The following EFHC1 variants were observed in gnomAD, a reference collection of about 807,000 sequenced individuals.
EFHC1 encodes EF-hand domain-containing protein 1.
In EFHC1, 53 loss-of-function variants were observed where a neutral mutation model predicts 69.9. The observed-to-expected ratio is 0.76, with a 90% CI of 0.61 to 0.95. EFHC1 has a LOEUF of 0.95. Among genes scored for constraint, EFHC1 ranks in the 40% least tolerant of loss-of-function variants. The pLI is 0.00. For missense variants in EFHC1, 739 were observed against 798.7 expected (o/e 0.93, Z 0.90); for synonymous variants, 256 against 278.4 (o/e 0.92, Z 0.80).
At chr6:52,479,858 G>GT in intron 9 of EFHC1, 71 bp downstream of exon 9, 1 of 1,593,036 alleles carries the variant, frequency 6.3e-7, no homozygotes, top group Non-Finnish European at 8.5e-7. Context: ...AAACAAATGA[G>GT]TAATCACATT....
chr6:52,469,219 A>C, intron 6 of EFHC1, 114 bp from the exon 7 acceptor site: 1 of 1,351,712 alleles, frequency 7.4e-7, no homozygotes, highest in Non-Finnish European at 1.0e-6. Flanking sequence ...TTATGTAGAA[A>C]ATATATTTGC....
chr6:52,453,968 C>A, intron 4 of EFHC1, 127 bp from the exon 5 acceptor site: 4 of 1,552,058 alleles, frequency 2.6e-6, no homozygotes, highest in Non-Finnish European at 3.5e-6. Flanking sequence ...TTTCAATTTA[C>A]CCCATCTGAA....
At chr6:52,469,563 C>T in intron 7 of EFHC1, 90 bp downstream of exon 7, 1 of 1,569,610 alleles carries the variant, frequency 6.4e-7, no homozygotes. Context: ...AGATTAACAG[C>T]TGTCAGAGTT....
rs1359654256 is a variant in EFHC1 at position 52,452,816 on chromosome 6, A to G, written c.702A>G (p.Gln234=). The G allele has an allele frequency of 3.1e-6, 5 of 1,614,032 alleles. No homozygotes were observed. The African/African-American group carries it at 6.7e-5, about 22-fold the overall frequency. ...CATCAGACTTTGATCAACTCAAGCA[A>G]TTTCTCACCTTTGACAAACAGGTAA... ...VTPSDFDQLK[Q]FLTFDKQVLR... is the part of the protein sequence containing the mutation. The change falls in exon 4 of 11, where the codon CAA becomes CAG. Residue 234 remains glutamine, a synonymous_variant. Transcript: ENST00000371068.
At chr6:52,425,373 A>G (rs1415360659) in intron 2 of EFHC1, among the ~76,000 whole-genome samples, 2 of 152,212 alleles carry the variant, frequency 1.3e-5, no homozygotes, top group Non-Finnish European at 2.9e-5. Context: ...TTACCAAGAT[A>G]TGAATCCTGG....
chr6:52,492,170 T>G (rs1159160907), intron 10 of EFHC1, 100 bp from the exon 11 acceptor site: 1 of 1,080,036 alleles, frequency 9.3e-7, no homozygotes, highest in Non-Finnish European at 1.4e-6. Flanking sequence ...CTGAACTGAT[T>G]TACAAAGGCT....
At chr6:52,472,928 C>T (rs1765469878) in intron 7 of EFHC1, among the ~76,000 whole-genome samples, 1 of 152,078 alleles carries the variant, frequency 6.6e-6, no homozygotes, top group African/African-American at 2.4e-5. Flanking sequence ...AAGGGATATA[C>T]CATGTTCATT....
At chr6:52,452,602 C>T in intron 3 of EFHC1, 86 bp from the exon 4 acceptor site, 1 of 1,503,140 alleles carries the variant, frequency 6.7e-7, no homozygotes, top group Non-Finnish European at 9.2e-7. Context: ...GTGCCTGGCC[C>T]ATACACTTAT....
In EFHC1 at chr6:52,424,316, A is replaced by C. The variant is rs545496869; in HGVS notation, c.285+149A>C. On this transcript the variant is annotated intron_variant, in intron 2 of 10. Coordinates refer to ENST00000371068, the MANE Select transcript of EFHC1 (RefSeq NM_018100.4). ...CTTAACCCTTAGTCATGGACAGCTGAACTCAGGCTAAAAAGAGGCTTTCTT... is the reference window on the plus strand; with the variant it reads ...CTTAACCCTTAGTCATGGACAGCTGCACTCAGGCTAAAAAGAGGCTTTCTT... 143 of 772,892 alleles carry C rather than the reference A, an allele frequency of 1.9e-4. No homozygotes were observed. In the East Asian group the frequency reaches 3.8e-3, roughly 21 times the overall value. 47.9% of individuals were successfully genotyped at this position (772,892 alleles called of 1,614,324 possible).
intron 2 of EFHC1, among the ~76,000 whole-genome samples, chr6:52,426,940 T>C (rs1764314271): frequency 6.6e-6 from 1 of 152,218 alleles, no homozygotes; most frequent in Non-Finnish European, 1.5e-5. Context: ...CAGCTCTGAT[T>C]ATGTCATTTT....
intron 9 of EFHC1, chr6:52,486,515 T>C (rs894497118): frequency 1.3e-5 from 2 of 152,222 alleles, no homozygotes; most frequent in Non-Finnish European, 2.9e-5. Context: ...TCAATTATCT[T>C]TTTAATCCTT....
intron 6 of EFHC1, among the ~76,000 whole-genome samples, chr6:52,465,674 G>A (rs1048254308): frequency 6.6e-6 from 1 of 151,466 alleles, no homozygotes; most frequent in Non-Finnish European, 1.5e-5. Flanking sequence ...GAGTGTAGTG[G>A]TGCGCACCTG....
intron 7 of EFHC1, among the ~76,000 whole-genome samples, chr6:52,471,799 T>C (rs1765441170): frequency 6.6e-6 from 1 of 151,784 alleles, no homozygotes; most frequent in African/African-American, 2.4e-5. Flanking sequence ...ACCTGGGAGG[T>C]GGAAGTTGCA....
chr6:52,453,529 G>A, intron 4 of EFHC1: 2 of 1,282,690 alleles, frequency 1.6e-6, no homozygotes, highest in South Asian at 2.5e-5. Flanking sequence ...CACTAGCATG[G>A]TCTTTTAAGG....
Position 52,474,346 on chromosome 6 carries a change from C to T in EFHC1, c.1279-4691C>T, listed in dbSNP as rs183406125. On this transcript the variant is annotated intron_variant, in intron 7 of 10. Transcript: ENST00000371068. ...GTACATATGAGAAGTTGCTTAGCTT[C>T]GTTAGTAACTAAAGAAGTGCAGATT... 1.4e-3 allele frequency among the ~76,000 whole-genome samples: 217 copies of T among 152,188 alleles called. 1 individual carries two copies. Among genetic ancestry groups the T allele is most frequent in the African/African-American group, 5.0e-3 (207 of 41,532 alleles).
At chr6:52,435,621 G>A (rs1425113394) in intron 2 of EFHC1, among the ~76,000 whole-genome samples, 9 of 152,050 alleles carry the variant, frequency 5.9e-5, no homozygotes, top group African/African-American at 2.2e-4. Flanking sequence ...TCCATTGCTG[G>A]TAATTAATTA....
intron 6 of EFHC1, 87 bp downstream of exon 6, chr6:52,465,202 C>A: frequency 3.5e-6 from 4 of 1,152,886 alleles, no homozygotes; most frequent in Non-Finnish European, 3.8e-6. Flanking sequence ...TGCAAATATT[C>A]GATAAATAAT....
Position 52,493,365 on chromosome 6 carries a change from C to CATATATATATAGATATATAT in EFHC1, c.*1035_*1036insGATATATATATATATATATA, listed in dbSNP as rs1765956121. 1 of 163,078 alleles carries CATATATATATAGATATATAT rather than the reference C, an allele frequency of 6.1e-6. No homozygotes were observed. 10.1% of individuals were successfully genotyped at this position (163,078 alleles called of 1,614,324 possible). A position where few individuals can be genotyped will look rare whatever the true frequency, so the allele number is the denominator to read the frequency against. ...ATAACTCTCTCTTTCTCTCTCTCTA[C>CATATATATATAGATATATAT]ATATATATATATATATATATTTTAT... is the stretch of plus-strand genomic sequence containing the variant. On this transcript the variant is annotated 3_prime_UTR_variant, in exon 11 of 11. Transcript: ENST00000371068.
In EFHC1 at chr6:52,469,399, C is replaced by A. The variant is rs1420483757; in HGVS notation, c.1204C>A (p.Pro402Thr). 1 of 1,613,982 alleles carries A rather than the reference C, an allele frequency of 6.2e-7. No individual in the cohort carries two copies. Among genetic ancestry groups the A allele is most frequent in the Admixed American group, 1.7e-5 (1 of 60,006 alleles). The change falls in exon 7 of 11, where the codon CCA (proline) becomes ACA (threonine). Residue 402 changes from proline (P) to threonine (T), a missense_variant. Transcript: ENST00000371068. ...DSAQNCFALIPKAPKKDVIKM... is the reference protein window; with the variant it reads ...DSAQNCFALITKAPKKDVIKM... ...TGCTCAGAATTGTTTTGCTCTCATT[C>A]CAAAAGCTCCAAAAAAAGACGTTAT...
Sources: allele counts gnomAD v4.1 joint callset (sites outside exome capture counted in the v4.1 genomes callset), GRCh38; gene constraint gnomAD v4.1.1; transcripts MANE v1.5; gene names NCBI Gene and HGNC (gene_info 2026-07-23, HGNC 2026-07-21).